Variants in TPBG observed in about 807,000 individuals in gnomAD.
The protein encoded by TPBG is 5T4 oncofetal antigen.
In TPBG, 13 loss-of-function variants were observed where a neutral mutation model predicts 19.3. That is an observed-to-expected ratio of 0.67 (90% CI 0.44 to 1.07). The LOEUF is 1.07. TPBG is among the 50% of genes least tolerant of loss of function. TPBG has a pLI of 0.00. For synonymous variants in TPBG, 338 were observed against 259.8 expected (o/e 1.30, Z -2.89); for missense variants, 642 against 559.6 (o/e 1.15, Z -1.49).
upstream of TPBG, chr6:82,363,199 T>C (rs1454396583): frequency 1.3e-5 from 2 of 152,008 alleles, no homozygotes; most frequent in African/African-American, 2.4e-5. Flanking sequence ...CTAATCTTTT[T>C]TTTTTCTTTC....
chr6:82,365,717 G>A lies in TPBG; in HGVS notation c.756G>A (p.Val252=), dbSNP rs368363343. The change falls in exon 2 of 2, where the codon GTG becomes GTA. Residue 252 remains valine (V), a synonymous_variant. Coordinates refer to ENST00000369750, the MANE Select transcript of TPBG (RefSeq NM_001376922.1). ...ATTCGCTGGTGAGCCTGACCTACGT[G>A]TCCTTCCGCAACCTGACACATCTAG... ...SNNSLVSLTY[V]SFRNLTHLES... 12 of 1,611,682 alleles carry A rather than the reference G, an allele frequency of 7.4e-6. No individual in the cohort carries two copies. The highest frequency in any genetic ancestry group is 1.0e-5 in the Non-Finnish European group (12 of 1,178,862).
rs1160830232 is a variant in TPBG at position 82,366,290 on chromosome 6, A to G, written c.*66A>G. 1 of 1,500,208 alleles carries G rather than the reference A, an allele frequency of 6.7e-7. No individual in the cohort carries two copies. The highest frequency in any genetic ancestry group is 8.9e-7 in the Non-Finnish European group (1 of 1,121,682). 92.9% of individuals were successfully genotyped at this position (1,500,208 alleles called of 1,614,324 possible). A position where few individuals can be genotyped will look rare whatever the true frequency, so the allele number is the denominator to read the frequency against. On this transcript the variant is annotated 3_prime_UTR_variant, in exon 2 of 2. Transcript: ENST00000369750. ...TGTAGACTTAAGCTTTATCCCTACT[A>G]GGCTTGCTCCACTTTCATCCTCCAC... is the stretch of plus-strand genomic sequence containing the variant.
In TPBG at chr6:82,364,854, G is replaced by GTT; in HGVS notation, c.-99_-98dup. 1.1e-4 allele frequency: 100 copies of GTT among 915,398 alleles called. No individual in the cohort carries two copies. The highest frequency in any genetic ancestry group is 3.9e-4 in the Middle Eastern group (1 of 2,568). 56.7% of individuals were successfully genotyped at this position (915,398 alleles called of 1,614,324 possible). A position where few individuals can be genotyped will look rare whatever the true frequency, so the allele number is the denominator to read the frequency against. ...ACTCCCTCGGTTCCACGAGAGGAAAGTTTTTTTTTTCCAGACGCTTCCGCC... is the reference window on the plus strand; with the variant it reads ...ACTCCCTCGGTTCCACGAGAGGAAAGTTTTTTTTTTTTCCAGACGCTTCCGCC... On this transcript the variant is annotated 5_prime_UTR_variant, in exon 2 of 2. Coordinates refer to ENST00000369750, the MANE Select transcript of TPBG (RefSeq NM_001376922.1).
rs1391949418 is a variant in TPBG, at chr6:82,367,130, T to C, written c.*906T>C. The C allele has an allele frequency of 6.0e-6, 1 of 167,050 alleles. No homozygotes were observed. Among genetic ancestry groups the C allele is most frequent in the Non-Finnish European group, 1.5e-5 (1 of 68,106 alleles). The allele number at this position is 167,050 out of a possible 1,614,324, so 10.3% of individuals were successfully genotyped here. ...GAGAGTTTGAGTATTCATGTGACTGTATGGTCCCAAAGTTAATGCTATTTA... is the reference window on the plus strand; with the variant it reads ...GAGAGTTTGAGTATTCATGTGACTGCATGGTCCCAAAGTTAATGCTATTTA... On this transcript the variant is annotated 3_prime_UTR_variant, in exon 2 of 2. Coordinates refer to ENST00000369750, the MANE Select transcript of TPBG (RefSeq NM_001376922.1).
At position 82,365,766 on chromosome 6, in the gene TPBG, G is replaced by T. The variant is rs371527625; in HGVS notation, c.805G>T (p.Ala269Ser). 6.2e-7 allele frequency: 1 copy of T among 1,614,168 alleles called. No homozygotes were observed. Among genetic ancestry groups the T allele is most frequent in the Non-Finnish European group, 8.5e-7 (1 of 1,180,020 alleles). ...AGAAAGCCTCCACCTGGAGGACAATGCCCTCAAGGTCCTTCACAATGGCAC... is the reference window on the plus strand; with the variant it reads ...AGAAAGCCTCCACCTGGAGGACAATTCCCTCAAGGTCCTTCACAATGGCAC... ...HLESLHLEDN[A>S]LKVLHNGTLA... is the part of the protein sequence containing the mutation. The change falls in exon 2 of 2, where the codon GCC becomes TCC. Residue 269 changes from alanine (A) to serine (S), a missense_variant. Transcript: ENST00000369750.
Position 82,366,414 on chromosome 6 carries a change from A to G in TPBG, c.*190A>G, listed in dbSNP as rs1767506474. 8.0e-6 allele frequency: 5 copies of G among 627,342 alleles called. No individual in the cohort carries two copies. The highest frequency in any genetic ancestry group is 1.1e-5 in the Non-Finnish European group (4 of 375,076). 38.9% of individuals were successfully genotyped at this position (627,342 alleles called of 1,614,324 possible). A position where few individuals can be genotyped will look rare whatever the true frequency, so the allele number is the denominator to read the frequency against. On this transcript the variant is annotated 3_prime_UTR_variant, in exon 2 of 2. Coordinates refer to ENST00000369750, the MANE Select transcript of TPBG (RefSeq NM_001376922.1). ...GTTCTGTTAATGTAAGACGATGAACAGTTGTGTATAGTGTTTTACCCTCTT... is the reference window on the plus strand; with the variant it reads ...GTTCTGTTAATGTAAGACGATGAACGGTTGTGTATAGTGTTTTACCCTCTT...
At chr6:82,363,444 T>C, upstream of TPBG, 1 of 152,368 alleles carries the variant, frequency 6.6e-6, no homozygotes, top group Non-Finnish European at 1.5e-5. Context: ...TGCTTCGCGC[T>C]GCTCTGTCAT....
In TPBG at chr6:82,366,387, G is replaced by A. The variant is rs1767505716; in HGVS notation, c.*163G>A. 2.5e-6 allele frequency: 2 copies of A among 812,902 alleles called. No individual in the cohort carries two copies. Among genetic ancestry groups the A allele is most frequent in the South Asian group, 4.4e-5 (2 of 45,346 alleles). The allele number at this position is 812,902 out of a possible 1,614,324, so 50.4% of individuals were successfully genotyped here. On this transcript the variant is annotated 3_prime_UTR_variant, in exon 2 of 2. Transcript: ENST00000369750. ...TCCTTGTTATGTAAAGTTTCTCGGT[G>A]TGTTCTGTTAATGTAAGACGATGAA... is the stretch of plus-strand genomic sequence containing the variant.
Position 82,364,847 on chromosome 6 carries a change from G to A in TPBG, c.-115G>A. 1 of 963,304 alleles carries A rather than the reference G, an allele frequency of 1.0e-6. No individual in the cohort carries two copies. The highest frequency in any genetic ancestry group is 1.4e-6 in the Non-Finnish European group (1 of 702,004). 59.7% of individuals were successfully genotyped at this position (963,304 alleles called of 1,614,324 possible). A position where few individuals can be genotyped will look rare whatever the true frequency, so the allele number is the denominator to read the frequency against. ...CGGCGCCACTCCCTCGGTTCCACGA[G>A]AGGAAAGTTTTTTTTTTCCAGACGC... On this transcript the variant is annotated 5_prime_UTR_variant, in exon 2 of 2. Coordinates refer to ENST00000369750, the MANE Select transcript of TPBG (RefSeq NM_001376922.1).
chr6:82,366,437 C>A lies in TPBG; in HGVS notation c.*213C>A. On this transcript the variant is annotated 3_prime_UTR_variant, in exon 2 of 2. Transcript: ENST00000369750. ...ACAGTTGTGTATAGTGTTTTACCCTCTTCTTTTTCTTGGAACTCCTCAACA... is the reference window on the plus strand; with the variant it reads ...ACAGTTGTGTATAGTGTTTTACCCTATTCTTTTTCTTGGAACTCCTCAACA... The A allele has an allele frequency of 2.0e-6, 1 of 500,648 alleles. No homozygotes were observed. The highest frequency in any genetic ancestry group is 3.4e-6 in the Non-Finnish European group (1 of 292,240). 31.0% of individuals were successfully genotyped at this position (500,648 alleles called of 1,614,324 possible).
chr6:82,366,972 A>C lies in TPBG; in HGVS notation c.*748A>C, dbSNP rs1359908736. 6.0e-6 allele frequency: 1 copy of C among 167,072 alleles called. No homozygotes were observed. Among genetic ancestry groups the C allele is most frequent in the East Asian group, 1.9e-4 (1 of 5,198 alleles). The allele number at this position is 167,072 out of a possible 1,614,324, so 10.3% of individuals were successfully genotyped here. A position where few individuals can be genotyped will look rare whatever the true frequency, so the allele number is the denominator to read the frequency against. On this transcript the variant is annotated 3_prime_UTR_variant, in exon 2 of 2. Transcript: ENST00000369750. Reference sequence around the variant, plus strand: ...TTGCTTTGAAAAAAGGATGAAGGGCAGGAGTATTCAATGGTCTTGGTTCCG... The same window carrying C: ...TTGCTTTGAAAAAAGGATGAAGGGCCGGAGTATTCAATGGTCTTGGTTCCG...
Position 82,365,743 on chromosome 6 carries a change from A to G in TPBG, c.782A>G (p.Glu261Gly). 2 of 1,613,910 alleles carry G rather than the reference A, an allele frequency of 1.2e-6. No individual in the cohort carries two copies. The highest frequency in any genetic ancestry group is 8.5e-7 in the Non-Finnish European group (1 of 1,179,880). ...YVSFRNLTHL[E>G]SLHLEDNALK... Reference sequence around the variant, plus strand: ...TCCTTCCGCAACCTGACACATCTAGAAAGCCTCCACCTGGAGGACAATGCC... The same window carrying G: ...TCCTTCCGCAACCTGACACATCTAGGAAGCCTCCACCTGGAGGACAATGCC... Residue 261 changes from glutamate (E) to glycine (G), a missense_variant, in exon 2 of 2, where the codon GAA becomes GGA. Glu to Gly is a moderately conservative substitution (Grantham distance 98). Transcript: ENST00000369750.
rs1248828686 is a variant in TPBG, at chr6:82,365,842, A to G, written c.881A>G (p.Asn294Ser). 3.1e-6 allele frequency: 5 copies of G among 1,614,186 alleles called. No homozygotes were observed. Among genetic ancestry groups the G allele is most frequent in the Non-Finnish European group, 4.2e-6 (5 of 1,180,042 alleles). Residue 294 changes from asparagine to serine, a missense_variant, in exon 2 of 2, where the codon AAT becomes AGT. Asn to Ser is a conservative substitution (Grantham distance 46, BLOSUM62 1). Coordinates refer to ENST00000369750, the MANE Select transcript of TPBG (RefSeq NM_001376922.1). Reference protein sequence around the residue: ...LPHIRVFLDNNPWVCDCHMAD... With the variant: ...LPHIRVFLDNSPWVCDCHMAD... ...CACATTAGGGTTTTCCTGGACAACA[A>G]TCCCTGGGTCTGCGACTGCCACATG...
Position 82,365,981 on chromosome 6 carries a change from T to C in TPBG, c.1020T>C (p.Ala340=), listed in dbSNP as rs1767489345. 6.2e-7 allele frequency: 1 copy of C among 1,614,040 alleles called. No individual in the cohort carries two copies. Among genetic ancestry groups the C allele is most frequent in the Admixed American group, 1.7e-5 (1 of 60,014 alleles). The change falls in exon 2 of 2, where the codon GCT becomes GCC. Residue 340 remains alanine (A), a synonymous_variant. Transcript: ENST00000369750. ...GGGTCCTCTTGGAACTCAACAGTGC[T>C]GACCTGGACTGTGACCCGATTCTTC... The part of the protein sequence containing the change: ...RNRVLLELNS[A]DLDCDPILPP...
At position 82,366,241 on chromosome 6, in the gene TPBG, G is replaced by T; in HGVS notation, c.*17G>T. 6.4e-7 allele frequency: 1 copy of T among 1,556,814 alleles called. No individual in the cohort carries two copies. The highest frequency in any genetic ancestry group is 1.2e-5 in the South Asian group (1 of 80,040). ...GATGTCTGAGAAATATTAGAGGACA[G>T]ACCAAGGACAACTCTGCATGAGATG... On this transcript the variant is annotated 3_prime_UTR_variant, in exon 2 of 2. Transcript: ENST00000369750.
rs754110239 is a variant in TPBG at position 82,366,191 on chromosome 6, A to G, written c.1230A>G (p.Arg410=). The G allele has an allele frequency of 2.5e-6, 4 of 1,604,012 alleles. No homozygotes were observed. Among genetic ancestry groups the G allele is most frequent in the Non-Finnish European group, 3.4e-6 (4 of 1,175,488 alleles). Residue 410 remains arginine, a synonymous_variant, in exon 2 of 2, where the codon AGA becomes AGG. Coordinates refer to ENST00000369750, the MANE Select transcript of TPBG (RefSeq NM_001376922.1). ...HYRYEINADP[R]LTNLSSNSDV ...GATATGAAATCAATGCGGACCCCAG[A>G]TTAACGAACCTCAGTTCTAACTCGG...
chr6:82,364,510 G>C (rs1767415015), intron 1 of TPBG, 113 bp from the exon 2 acceptor site: 1 of 158,846 alleles, frequency 6.3e-6, no homozygotes, highest in Admixed American at 6.5e-5. Flanking sequence ...GCGGGCTTTT[G>C]GAAGGAGGTC....
In TPBG at chr6:82,364,705, A is replaced by G. The variant is rs964799160; in HGVS notation, c.-257A>G. On this transcript the variant is annotated 5_prime_UTR_variant, in exon 2 of 2. Transcript: ENST00000369750. ...CGGCGGCAGGAAGAGGAGCGGGAGC[A>G]GGAGCGCGGAGCGGAGCGTCCCGAC... 3 of 424,262 alleles carry G rather than the reference A, an allele frequency of 7.1e-6. No individual in the cohort carries two copies. The highest frequency in any genetic ancestry group is 4.5e-5 in the Admixed American group (1 of 22,304). The allele number at this position is 424,262 out of a possible 1,614,324, so 26.3% of individuals were successfully genotyped here. A position where few individuals can be genotyped will look rare whatever the true frequency, so the allele number is the denominator to read the frequency against.
At chr6:82,364,094 T>TGGCGG in intron 1 of TPBG, 186 bp downstream of exon 1, 1 of 152,680 alleles carries the variant, frequency 6.5e-6, no homozygotes, top group African/African-American at 2.4e-5. Flanking sequence ...TCCGAGGGGC[T>TGGCGG]GGCGGGGCGC....
Sources: gnomAD v4.1 joint callset for allele counts on GRCh38, gnomAD v4.1.1 for gene constraint, MANE v1.5 for transcripts, NCBI Gene and HGNC (gene_info 2026-07-23, HGNC 2026-07-21) for gene names.